SLC35D4: variants seen among roughly 807,000 people sequenced by gnomAD.
SLC35D4 encodes the protein solute carrier family 35 member D4.
the SLC35D4 span, among the ~76,000 whole-genome samples, chr18:23,352,793 A>C: frequency 1.5e-4 from 23 of 152,254 alleles, no homozygotes; most frequent in Non-Finnish European, 2.9e-5. Context: ...AAGTCCCCCA[A>C]ACCAGGCTGT....
At chr18:23,257,337 C>T in the SLC35D4 span, 1 of 1,612,314 alleles carries the variant, frequency 6.2e-7, no homozygotes, top group Middle Eastern at 1.7e-4. Context: ...AAGTCATGCC[C>T]CACTACAGAC....
At chr18:23,377,332 T>A in the SLC35D4 span, among the ~76,000 whole-genome samples, 1 of 152,350 alleles carries the variant, frequency 6.6e-6, no homozygotes, top group East Asian at 1.9e-4. Context: ...ACTTTTAAAT[T>A]TTTAAGTCAT....
chr18:23,328,413 G>A, the SLC35D4 span, among the ~76,000 whole-genome samples: 1 of 152,078 alleles, frequency 6.6e-6, no homozygotes, highest in African/African-American at 2.4e-5. Flanking sequence ...ACCAATAATA[G>A]ATAAACAGAG....
the SLC35D4 span, among the ~76,000 whole-genome samples, chr18:23,363,079 T>C: frequency 6.6e-6 from 1 of 151,780 alleles, no homozygotes; most frequent in African/African-American, 2.4e-5. Flanking sequence ...ACTCCGTCTC[T>C]ACTAAAAATA....
the SLC35D4 span, among the ~76,000 whole-genome samples, chr18:23,433,833 CA>C: frequency 6.6e-6 from 1 of 150,554 alleles, no homozygotes; most frequent in South Asian, 2.1e-4. Flanking sequence ...ATGGAGGCTT[CA>C]AAAAACTAGA....
At chr18:23,398,490 C>T in the SLC35D4 span, among the ~76,000 whole-genome samples, 1 of 152,184 alleles carries the variant, frequency 6.6e-6, no homozygotes, top group African/African-American at 2.4e-5. Context: ...GAAGGCACAG[C>T]AGACAGCCAG....
the SLC35D4 span, among the ~76,000 whole-genome samples, chr18:23,243,872 CAAAAAA>C: frequency 4.6e-5 from 5 of 109,882 alleles, no homozygotes; most frequent in African/African-American, 1.5e-4. Flanking sequence ...GACTCCGTTT[CAAAAAA>C]AAAAAAAAAA....
chr18:23,373,622 TA>T, the SLC35D4 span: 1 of 1,471,092 alleles, frequency 6.8e-7, no homozygotes, highest in Non-Finnish European at 9.5e-7. Context: ...ATCCTGCTTC[TA>T]AAAGGAAGGA....
At chr18:23,435,712 T>A in the SLC35D4 span, among the ~76,000 whole-genome samples, 1 of 152,258 alleles carries the variant, frequency 6.6e-6, no homozygotes, top group East Asian at 1.9e-4. Context: ...TTGTTGTTGT[T>A]CAGACGAAGT....
At chr18:23,266,812 T>C in the SLC35D4 span, among the ~76,000 whole-genome samples, 1 of 152,224 alleles carries the variant, frequency 6.6e-6, no homozygotes, top group Non-Finnish European at 1.5e-5. Context: ...AACGTGGCCC[T>C]TGGAGCCCCC....
the SLC35D4 span, among the ~76,000 whole-genome samples, chr18:23,373,172 G>C: frequency 2.0e-5 from 3 of 152,064 alleles, no homozygotes; most frequent in Non-Finnish European, 2.9e-5. Flanking sequence ...AAAATTAGCT[G>C]GGCATGGTGG....
the SLC35D4 span, among the ~76,000 whole-genome samples, chr18:23,424,866 C>T: frequency 6.6e-6 from 1 of 152,072 alleles, no homozygotes; most frequent in East Asian, 1.9e-4. Context: ...CAAAAACAAA[C>T]AAACACGTTT....
the SLC35D4 span, among the ~76,000 whole-genome samples, chr18:23,391,049 A>C: frequency 2.0e-5 from 3 of 152,032 alleles, no homozygotes; most frequent in Non-Finnish European, 4.4e-5. Flanking sequence ...AACATGGTGA[A>C]ACCCCGTCTC....
chr18:23,319,465 TG>T, the SLC35D4 span, among the ~76,000 whole-genome samples: 1 of 151,882 alleles, frequency 6.6e-6, no homozygotes, highest in South Asian at 2.1e-4. Flanking sequence ...GTTGTTGAGA[TG>T]GAGTTTCGCT....
At chr18:23,266,666 C>T in the SLC35D4 span, among the ~76,000 whole-genome samples, 1 of 152,220 alleles carries the variant, frequency 6.6e-6, no homozygotes, top group Non-Finnish European at 1.5e-5. Flanking sequence ...TGTTTTTCTG[C>T]TTTCTTGAAA....
At chr18:23,345,250 G>A in the SLC35D4 span, among the ~76,000 whole-genome samples, 4 of 152,052 alleles carry the variant, frequency 2.6e-5, no homozygotes, top group South Asian at 2.1e-4. Flanking sequence ...TTGGGAGGCC[G>A]AGGTGGGCGG....
chr18:23,347,579 C>A, the SLC35D4 span, among the ~76,000 whole-genome samples: 1 of 152,078 alleles, frequency 6.6e-6, no homozygotes. Context: ...ACACCATGTT[C>A]AGCTAATCAT....
the SLC35D4 span, among the ~76,000 whole-genome samples, chr18:23,242,181 G>C: frequency 6.6e-6 from 1 of 152,200 alleles, no homozygotes; most frequent in Non-Finnish European, 1.5e-5. Context: ...AGGAGGCTGA[G>C]GCAGGAGAAT....
the SLC35D4 span, among the ~76,000 whole-genome samples, chr18:23,436,572 C>A: frequency 2.0e-5 from 3 of 152,052 alleles, no homozygotes; most frequent in Admixed American, 2.0e-4. Context: ...GCATGCGGAT[C>A]ACCTGAGGTC....
Sources: gnomAD v4.1 joint callset for allele counts (sites outside exome capture counted in the v4.1 genomes callset) on GRCh38, gnomAD v4.1.1 for gene constraint, MANE v1.5 for transcripts, NCBI Gene and HGNC (gene_info 2026-07-23, HGNC 2026-07-21) for gene names.